Variants in BMPR1B observed in about 807,000 individuals in gnomAD.
BMPR1B encodes bone morphogenetic protein receptor type-1B.
In BMPR1B, 12 loss-of-function variants were observed where a neutral mutation model predicts 59.1. The ratio of observed to expected loss-of-function variants is 0.20; its 90% CI spans 0.13 to 0.33. The LOEUF is 0.33. Ranked by LOEUF, BMPR1B falls within the 10% of genes least tolerant of loss-of-function variation. The pLI is 1.00. For synonymous variants in BMPR1B, 237 were observed against 207.3 expected, an observed-to-expected ratio of 1.14 and a Z score of -1.23; for missense variants, 550 against 610.9, an observed-to-expected ratio of 0.90 and a Z score of 1.05.
At chr4:95,024,068 A>G (rs1283305974) in intron 3 of BMPR1B, among the ~76,000 whole-genome samples, 1 of 152,160 alleles carries the variant, frequency 6.6e-6, no homozygotes, top group Admixed American at 6.6e-5. Flanking sequence ...ATCCAGCAAG[A>G]TGACCCTGTT....
intron 1 of BMPR1B, among the ~76,000 whole-genome samples, chr4:94,858,621 T>A (rs2023834): frequency 0.62 from 92,217 of 148,332 alleles, 28,649 homozygotes; most frequent in African/African-American, 0.74. Context: ...ATCTTGAGTC[T>A]AAGAAGAGTG....
chr4:94,920,645 C>A (rs773108994), intron 2 of BMPR1B, among the ~76,000 whole-genome samples: 3 of 152,156 alleles, frequency 2.0e-5, no homozygotes, highest in Admixed American at 6.6e-5. Context: ...AAAAAAAGTC[C>A]TGGTTAGCTG....
chr4:95,125,207 G>A (rs1732821591), intron 8 of BMPR1B, 86 bp downstream of exon 8: 3 of 1,535,778 alleles, frequency 2.0e-6, no homozygotes, highest in South Asian at 2.3e-5. Flanking sequence ...ACTGAAATAG[G>A]GCACTGGACA....
intron 3 of BMPR1B, among the ~76,000 whole-genome samples, chr4:95,032,276 A>G (rs1724925106): frequency 6.6e-6 from 1 of 151,890 alleles, no homozygotes. Context: ...AGTGAGAGAG[A>G]GCGGGCATGC....
chr4:94,783,961 A>T (rs11932119), intron 1 of BMPR1B, among the ~76,000 whole-genome samples: 1 of 151,860 alleles, frequency 6.6e-6, no homozygotes, highest in Non-Finnish European at 1.5e-5. Flanking sequence ...AGTTTCTCTC[A>T]TATCGAGCTG....
chr4:94,963,541 G>A (rs1326454137), intron 2 of BMPR1B, among the ~76,000 whole-genome samples: 1 of 152,086 alleles, frequency 6.6e-6, no homozygotes, highest in Non-Finnish European at 1.5e-5. Flanking sequence ...ATGGGATCTT[G>A]TTTCATTATT....
chr4:94,965,081 G>A (rs996205785), intron 2 of BMPR1B, among the ~76,000 whole-genome samples: 8 of 152,070 alleles, frequency 5.3e-5, no homozygotes, highest in Non-Finnish European at 1.0e-4. Context: ...GATGTGCGGA[G>A]CTTCCCAGTA....
At chr4:95,048,415 A>G (rs1323760085) in intron 3 of BMPR1B, among the ~76,000 whole-genome samples, 1 of 152,192 alleles carries the variant, frequency 6.6e-6, no homozygotes. Context: ...TTATATTCCC[A>G]CAAGCAATGT....
intron 3 of BMPR1B, among the ~76,000 whole-genome samples, chr4:95,075,202 G>A (rs1379451625): frequency 1.3e-5 from 2 of 152,118 alleles, no homozygotes; most frequent in Admixed American, 6.5e-5. Context: ...ATTAGGCATA[G>A]TTTCCACTGG....
intron 10 of BMPR1B, among the ~76,000 whole-genome samples, chr4:95,148,410 GT>G (rs200271011): frequency 9.4e-5 from 14 of 148,174 alleles, no homozygotes; most frequent in African/African-American, 1.5e-4. Flanking sequence ...TATCTTCATT[GT>G]TTTTTTTTTC....
At chr4:94,950,775 C>CT (rs1457611580) in intron 2 of BMPR1B, among the ~76,000 whole-genome samples, 1 of 152,032 alleles carries the variant, frequency 6.6e-6, no homozygotes, top group Non-Finnish European at 1.5e-5. Context: ...GCTATATGGC[C>CT]TTTTTTTGGT....
intron 3 of BMPR1B, among the ~76,000 whole-genome samples, chr4:95,066,393 G>A (rs1355891187): frequency 6.6e-6 from 1 of 152,174 alleles, no homozygotes; most frequent in Admixed American, 6.5e-5. Context: ...GAGGGAAAAC[G>A]ACCTCAGGGC....
At chr4:94,798,184 T>G (rs370689969) in intron 1 of BMPR1B, among the ~76,000 whole-genome samples, 1 of 152,242 alleles carries the variant, frequency 6.6e-6, no homozygotes, top group Non-Finnish European at 1.5e-5. Context: ...GTTGTCAGAA[T>G]AAGCATTCTT....
intron 4 of BMPR1B, among the ~76,000 whole-genome samples, chr4:95,106,075 A>G (rs1731180396): frequency 6.6e-6 from 1 of 151,944 alleles, no homozygotes; most frequent in African/African-American, 2.4e-5. Flanking sequence ...CTGCAGTGGA[A>G]ATTCTGTTGT....
chr4:95,072,879 A>G (rs1476553883), intron 3 of BMPR1B, among the ~76,000 whole-genome samples: 1 of 152,200 alleles, frequency 6.6e-6, no homozygotes, highest in African/African-American at 2.4e-5. Context: ...TTTGGTTCAT[A>G]TTGGAAATTA....
intron 1 of BMPR1B, among the ~76,000 whole-genome samples, chr4:94,847,673 A>G (rs529298034): frequency 5.9e-5 from 9 of 152,260 alleles, no homozygotes; most frequent in Non-Finnish European, 1.2e-4. Context: ...GTTAAATGAA[A>G]TGAGCCAGGC....
intron 3 of BMPR1B, among the ~76,000 whole-genome samples, chr4:95,026,098 A>ATTTATTTC (rs1553928440): frequency 9.8e-6 from 1 of 101,622 alleles, no homozygotes; most frequent in Admixed American, 9.9e-5. Flanking sequence ...GCTTTCTTTC[A>ATTTATTTC]TTTCTTTCTT....
intron 3 of BMPR1B, among the ~76,000 whole-genome samples, chr4:95,040,538 T>C (rs934968543): frequency 3.3e-5 from 5 of 152,216 alleles, no homozygotes; most frequent in African/African-American, 1.2e-4. Flanking sequence ...GAGATTTTGA[T>C]TTTCTGCTTA....
intron 1 of BMPR1B, among the ~76,000 whole-genome samples, chr4:94,850,385 TAAAC>T (rs1434662956): frequency 1.3e-5 from 2 of 152,140 alleles, no homozygotes; most frequent in South Asian, 2.1e-4. Flanking sequence ...TATGATGTGT[TAAAC>T]AAACTCTAGT....
Sources: allele counts gnomAD v4.1 joint callset (sites outside exome capture counted in the v4.1 genomes callset), GRCh38; gene constraint gnomAD v4.1.1; transcripts MANE v1.5; gene names NCBI Gene and HGNC (gene_info 2026-07-23, HGNC 2026-07-21).